The following CDC42BPG variants were observed in gnomAD, a reference collection of about 807,000 sequenced individuals.
CDC42BPG encodes serine/threonine-protein kinase MRCK gamma.
In CDC42BPG, 157 loss-of-function variants were observed where a neutral mutation model predicts 192.2. The ratio of observed to expected loss-of-function variants is 0.82; its 90% CI spans 0.72 to 0.93. CDC42BPG has a LOEUF of 0.93. Among genes scored for constraint, CDC42BPG ranks in the 40% least tolerant of loss-of-function variants. The probability of loss-of-function intolerance (pLI) is 0.00; values close to 1 mark genes in which losing one functional copy is unlikely to be tolerated. For missense variants in CDC42BPG, 1,992 were observed against 2,122.1 expected (o/e 0.94, Z 1.20); for synonymous variants, 981 against 918.5 (o/e 1.07, Z -1.23).
chr11:64,836,590 G>T, intron 11 of CDC42BPG, 60 bp from the exon 12 acceptor site: 1 of 1,492,786 alleles, frequency 6.7e-7, no homozygotes. Context: ...CAGCCCAGGA[G>T]CAAGTCTCCT....
At position 64,835,419 on chromosome 11, in the gene CDC42BPG, C is replaced by T. The variant is rs757337710; in HGVS notation, c.1881G>A (p.Arg627=). 1 of 1,613,596 alleles carries T rather than the reference C, an allele frequency of 6.2e-7. No individual in the cohort carries two copies. Among genetic ancestry groups the T allele is most frequent in the Non-Finnish European group, 8.5e-7 (1 of 1,179,988 alleles). Residue 627 remains arginine, a splice_region_variant and synonymous_variant, in exon 16 of 37, where the codon AGG becomes AGA. Coordinates refer to ENST00000342711, the MANE Select transcript of CDC42BPG (RefSeq NM_017525.3). ...ACAGAGCCTCCTCCTTACCACTCGG[C>T]CTGGGGAGGAGAAGGCCAAGGCCGT... ...REQLEQAHSH[R]PSGKEEALCQ...
intron 13 of CDC42BPG, 76 bp downstream of exon 13, chr11:64,836,041 C>T: frequency 2.0e-6 from 3 of 1,477,398 alleles, no homozygotes; most frequent in South Asian, 1.3e-5. Context: ...GCATCTCCCA[C>T]CAAGCTCCCC....
chr11:64,836,273 C>A lies in CDC42BPG; in HGVS notation c.1512G>T (p.Gly504=). ...LHRELAEGRA[G]LQAQEQELCR... is the part of the protein sequence containing the mutation. ...AGAGCTCCTGCTCCTGAGCCTGCAG[C>A]CCTGCCCGACCCTCGGCCAGCTCCT... Residue 504 remains glycine (G), a synonymous_variant, in exon 13 of 37, where the codon GGG becomes GGT. Transcript: ENST00000342711. The A allele has an allele frequency of 6.2e-7, 1 of 1,603,114 alleles. No homozygotes were observed. Among genetic ancestry groups the A allele is most frequent in the South Asian group, 1.1e-5 (1 of 90,198 alleles).
Position 64,834,360 on chromosome 11 carries a change from G to A in CDC42BPG, c.2325-6C>T, listed in dbSNP as rs777540291. 47 of 1,567,340 alleles carry A rather than the reference G, an allele frequency of 3.0e-5. No individual in the cohort carries two copies. Among genetic ancestry groups the A allele is most frequent in the Non-Finnish European group, 3.8e-5 (44 of 1,160,204 alleles). On this transcript the variant is annotated splice_region_variant and splice_polypyrimidine_tract_variant and intron_variant, in intron 19 of 36. Transcript: ENST00000342711. The stretch of plus-strand genomic sequence containing the variant: ...TCTCGGCCTCCTGCAGACGGCTGGG[G>A]AGAATGGCAAGGGCTCGCCACTGGC...
chr11:64,829,869 G>C lies in CDC42BPG; in HGVS notation c.3569C>G (p.Ala1190Gly), dbSNP rs1222860757. ...QVLAAGSILQ[A>G]RTPVLCVAVK... ...GGCTACACAGAGCACCGGGGTGCGG[G>C]CCTGCAGGATGCTTCCAGCTGCCAG... Residue 1190 changes from alanine to glycine, a missense_variant, in exon 30 of 37, where the codon GCC becomes GGC. Transcript: ENST00000342711. 1 of 1,608,802 alleles carries C rather than the reference G, an allele frequency of 6.2e-7. No homozygotes were observed. Among genetic ancestry groups the C allele is most frequent in the Non-Finnish European group, 8.5e-7 (1 of 1,178,402 alleles).
At position 64,826,497 on chromosome 11, in the gene CDC42BPG, C is replaced by T. The variant is rs768281378; in HGVS notation, c.4572G>A (p.Ser1524=). The change falls in exon 36 of 37, where the codon TCG becomes TCA. Residue 1524 remains serine, a synonymous_variant. Coordinates refer to ENST00000342711, the MANE Select transcript of CDC42BPG (RefSeq NM_017525.3). The stretch of plus-strand genomic sequence containing the variant: ...GCATTAGGGAGGTTGCAGGGCTCAG[C>T]GATCCCTGGGGGCAGGACACAGACT... ...SSESVSCPQG[S]LSPATSLMQV... is the part of the protein sequence containing the mutation. The T allele has an allele frequency of 1.3e-5, 21 of 1,602,762 alleles. No individual in the cohort carries two copies. The highest frequency in any genetic ancestry group is 2.7e-5 in the African/African-American group (2 of 74,826).
intron 1 of CDC42BPG, among the ~76,000 whole-genome samples, chr11:64,842,360 C>A (rs1277710448): frequency 1.3e-5 from 2 of 152,202 alleles, no homozygotes; most frequent in African/African-American, 2.4e-5. Flanking sequence ...AGAGAGGCTT[C>A]TCTCCCATTC....
chr11:64,835,098 C>A lies in CDC42BPG; in HGVS notation c.2009G>T (p.Arg670Leu), dbSNP rs780776639. ...QESKQRLEGERRETESNWEAQ... is the reference protein window; with the variant it reads ...QESKQRLEGELRETESNWEAQ... ...CTCCCAGTTGCTCTCCGTCTCCCGC[C>A]GCTCACCCTCCAGCCGCTGCTTGCT... is the stretch of plus-strand genomic sequence containing the variant. Residue 670 changes from arginine to leucine, a missense_variant, in exon 17 of 37, where the codon CGG becomes CTG. Transcript: ENST00000342711. The A allele has an allele frequency of 6.2e-7, 1 of 1,602,330 alleles. No homozygotes were observed. Among genetic ancestry groups the A allele is most frequent in the Non-Finnish European group, 8.5e-7 (1 of 1,179,834 alleles).
In CDC42BPG at chr11:64,835,566, T is replaced by C; in HGVS notation, c.1814A>G (p.Gln605Arg). ...CACCTCCTTCCTCAGTTGGGCCTCC[T>C]GAGGCCCACCCTCAGGGGGTCCCAT... is the stretch of plus-strand genomic sequence containing the variant. Reference protein sequence around the residue: ...NGMGPPEGGPQEAQLRKEVAA... With the variant: ...NGMGPPEGGPREAQLRKEVAA... The change falls in exon 15 of 37, where the codon CAG (glutamine) becomes CGG (arginine). Residue 605 changes from glutamine (Q) to arginine (R), a missense_variant. Gln to Arg is a conservative substitution (Grantham distance 43). Coordinates refer to ENST00000342711, the MANE Select transcript of CDC42BPG (RefSeq NM_017525.3). 1.9e-6 allele frequency: 3 copies of C among 1,586,664 alleles called. No individual in the cohort carries two copies. The highest frequency in any genetic ancestry group is 2.6e-6 in the Non-Finnish European group (3 of 1,170,082).
intron 27 of CDC42BPG, 123 bp from the exon 28 acceptor site, chr11:64,831,844 G>A (rs1327797783): frequency 4.9e-6 from 4 of 819,506 alleles, no homozygotes; most frequent in African/African-American, 3.4e-5. Flanking sequence ...CAGGGAGTAG[G>A]CCAGACAGGC....
rs755212692 is a variant in CDC42BPG, at chr11:64,827,282, GCTGCTGCTT to G, written c.4258_4266del (p.Lys1420_Gln1422del). ...CCCCGCGTCGTGCACGCGCACCTGC[GCTGCTGCTT>G]CTGCTGCTCCTCCGACACGCGGAAA... On this transcript the variant is annotated inframe_deletion, in exon 33 of 37. Coordinates refer to ENST00000342711, the MANE Select transcript of CDC42BPG (RefSeq NM_017525.3). 1 of 1,613,766 alleles carries G rather than the reference GCTGCTGCTT, an allele frequency of 6.2e-7. No homozygotes were observed. Among genetic ancestry groups the G allele is most frequent in the South Asian group, 1.1e-5 (1 of 91,084 alleles).
At chr11:64,826,414 A>T in intron 36 of CDC42BPG, 56 bp downstream of exon 36, 2 of 1,275,010 alleles carry the variant, frequency 1.6e-6, no homozygotes, top group South Asian at 2.5e-5. Context: ...CCTAGCATAA[A>T]ACGGAACTGC....
chr11:64,832,307 A>C, intron 27 of CDC42BPG, 121 bp downstream of exon 27: 1 of 1,032,016 alleles, frequency 9.7e-7, no homozygotes, highest in Middle Eastern at 2.6e-4. Context: ...GCTCACGTGG[A>C]AAGCGTGCTG....
intron 13 of CDC42BPG, 88 bp downstream of exon 13, chr11:64,836,029 C>A: frequency 7.0e-7 from 1 of 1,424,220 alleles, no homozygotes. Flanking sequence ...AACCGGGAGG[C>A]AGCATCTCCC....
At chr11:64,833,578 G>C in intron 23 of CDC42BPG, 22 bp downstream of exon 23, 1 of 1,594,764 alleles carries the variant, frequency 6.3e-7, no homozygotes, top group South Asian at 1.1e-5. Flanking sequence ...CCCCCACCCT[G>C]CTTGCCCCTC....
At chr11:64,827,432 C>T (rs762615310) in intron 32 of CDC42BPG, 34 bp from the exon 33 acceptor site, 7 of 1,607,396 alleles carry the variant, frequency 4.4e-6, no homozygotes, top group Middle Eastern at 1.6e-4. Flanking sequence ...GCTGTGCTCA[C>T]ACATTCCCGG....
intron 23 of CDC42BPG, 46 bp from the exon 24 acceptor site, chr11:64,833,382 G>T: frequency 8.9e-7 from 1 of 1,122,094 alleles, no homozygotes; most frequent in Non-Finnish European, 1.3e-6. Context: ...AGGGCCCCAT[G>T]CCCCATCCCT....
chr11:64,839,433 G>T (rs759703504), intron 6 of CDC42BPG, 45 bp downstream of exon 6: 1 of 722,592 alleles, frequency 1.4e-6, no homozygotes, highest in Non-Finnish European at 2.3e-6. Context: ...TGAGAGCTTG[G>T]CCCGCCTTGT....
At chr11:64,844,324 G>T (rs2136441091) in intron 1 of CDC42BPG, 86 bp downstream of exon 1, 2 of 1,220,742 alleles carry the variant, frequency 1.6e-6, no homozygotes, top group Non-Finnish European at 2.1e-6. Flanking sequence ...TGGGGGTGCG[G>T]GTCCCTGCGG....
Sources: gnomAD v4.1 joint callset for allele counts (sites outside exome capture counted in the v4.1 genomes callset) on GRCh38, gnomAD v4.1.1 for gene constraint, MANE v1.5 for transcripts, NCBI Gene and HGNC (gene_info 2026-07-23, HGNC 2026-07-21) for gene names.